HLA-DMB: variants seen among roughly 807,000 people sequenced by gnomAD.
The protein encoded by HLA-DMB is HLA class II histocompatibility antigen, DM beta chain.
Under a neutral mutation model 29.3 loss-of-function variants are expected in HLA-DMB, and 18 were observed. The observed-to-expected ratio is 0.62, with a 90% CI of 0.43 to 0.91. The LOEUF is 0.91. Among genes scored for constraint, HLA-DMB ranks in the 40% least tolerant of loss-of-function variants. The pLI is 0.00. For synonymous variants in HLA-DMB, 143 were observed against 128.7 expected (o/e 1.11, Z -0.75); for missense variants, 258 against 320.9 (o/e 0.80, Z 1.50).
At chr6:32,939,705 A>G (rs1286157017) in intron 1 of HLA-DMB, among the ~76,000 whole-genome samples, 2 of 152,230 alleles carry the variant, frequency 1.3e-5, no homozygotes, top group Non-Finnish European at 2.9e-5. Context: ...CTAAAACATC[A>G]TTATCCACCC....
chr6:32,939,987 C>T (rs1323388469), intron 1 of HLA-DMB, among the ~76,000 whole-genome samples: 1 of 144,750 alleles, frequency 6.9e-6, no homozygotes, highest in Non-Finnish European at 1.5e-5. Context: ...GTTAATGTCA[C>T]AATGGAATTG....
At position 32,934,857 on chromosome 6, in the gene HLA-DMB, G is replaced by A; in HGVS notation, c.*114C>T. On this transcript the variant is annotated 3_prime_UTR_variant, in exon 6 of 6. Coordinates refer to ENST00000418107, the MANE Select transcript of HLA-DMB (RefSeq NM_002118.5). ...TGGGAAATTCAAAGAATTGGATGGA[G>A]AAACCATAGGATCCAAGATAATGTC... 2 of 1,113,292 alleles carry A rather than the reference G, an allele frequency of 1.8e-6. No individual in the cohort carries two copies. Among genetic ancestry groups the A allele is most frequent in the East Asian group, 2.4e-5 (1 of 41,700 alleles). 69.0% of individuals were successfully genotyped at this position (1,113,292 alleles called of 1,614,324 possible). A position where few individuals can be genotyped will look rare whatever the true frequency, so the allele number is the denominator to read the frequency against.
Position 32,938,813 on chromosome 6 carries a change from T to C in HLA-DMB, c.208A>G (p.Asn70Asp). Residue 70 changes from asparagine to aspartate, a missense_variant, in exon 2 of 6, where the codon AAT becomes GAT. Asn to Asp is a conservative substitution (Grantham distance 23, BLOSUM62 1). Coordinates refer to ENST00000418107, the MANE Select transcript of HLA-DMB (RefSeq NM_002118.5). ...KMAPCEFGVL[N>D]SLANVLSQHL... ...TGTGAGAGGACATTCGCCAAGCTAT[T>C]CAGCACCCCAAATTCGCAAGGGGCC... 1 of 1,611,920 alleles carries C rather than the reference T, an allele frequency of 6.2e-7. No individual in the cohort carries two copies. Among genetic ancestry groups the C allele is most frequent in the South Asian group, 1.1e-5 (1 of 90,920 alleles).
intron 2 of HLA-DMB, 56 bp downstream of exon 2, chr6:32,938,628 G>A (rs763658896): frequency 1.4e-6 from 2 of 1,437,272 alleles, no homozygotes; most frequent in Non-Finnish European, 9.2e-7. Context: ...GATCCTCCCT[G>A]GCCTGCCCTC....
chr6:32,935,716 A>G, intron 3 of HLA-DMB, 64 bp from the exon 4 acceptor site: 10 of 1,168,574 alleles, frequency 8.6e-6, no homozygotes, highest in Non-Finnish European at 1.2e-5. Context: ...AATTCCATTT[A>G]TTGCAGCCAC....
Position 32,938,832 on chromosome 6 carries a change from A to G in HLA-DMB, c.189T>C (p.Pro63=), listed in dbSNP as rs371040681. 1 of 1,612,326 alleles carries G rather than the reference A, an allele frequency of 6.2e-7. No individual in the cohort carries two copies. The part of the protein sequence containing the change: ...CWDPEENKMA[P]CEFGVLNSLA... Reference sequence around the variant, plus strand: ...AGCTATTCAGCACCCCAAATTCGCAAGGGGCCATCTTATTCTCCTCTGGAT... The same window carrying G: ...AGCTATTCAGCACCCCAAATTCGCAGGGGGCCATCTTATTCTCCTCTGGAT... The change falls in exon 2 of 6, where the codon CCT becomes CCC. Residue 63 remains proline (P), a synonymous_variant. Transcript: ENST00000418107.
chr6:32,935,206 T>G (rs1281498536), intron 5 of HLA-DMB, 136 bp downstream of exon 5: 3 of 862,350 alleles, frequency 3.5e-6, no homozygotes, highest in Non-Finnish European at 5.8e-6. Flanking sequence ...AATGGCAGCT[T>G]AAATCATGCC....
Position 32,934,774 on chromosome 6 carries a change from T to C in HLA-DMB, c.*197A>G. 1.6e-6 allele frequency: 1 copy of C among 616,996 alleles called. No homozygotes were observed. Among genetic ancestry groups the C allele is most frequent in the East Asian group, 2.7e-5 (1 of 36,492 alleles). 38.2% of individuals were successfully genotyped at this position (616,996 alleles called of 1,614,324 possible). On this transcript the variant is annotated 3_prime_UTR_variant, in exon 6 of 6. Coordinates refer to ENST00000418107, the MANE Select transcript of HLA-DMB (RefSeq NM_002118.5). ...ATATAGCCTTGGACAATAATTTGGTTACAGCATAGTCCCAGGAATGAGGTC... is the reference window on the plus strand; with the variant it reads ...ATATAGCCTTGGACAATAATTTGGTCACAGCATAGTCCCAGGAATGAGGTC...
intron 1 of HLA-DMB, among the ~76,000 whole-genome samples, chr6:32,940,205 C>A (rs1219547891): frequency 6.6e-6 from 1 of 152,034 alleles, no homozygotes; most frequent in African/African-American, 2.4e-5. Flanking sequence ...ATCTACTGAC[C>A]AAGCTCATAC....
At chr6:32,938,330 G>A in intron 2 of HLA-DMB, 1 of 266,720 alleles carries the variant, frequency 3.7e-6, no homozygotes, top group Non-Finnish European at 7.0e-6. Context: ...GAATCCCCTG[G>A]GATTCCAAAT....
intron 2 of HLA-DMB, 21 bp downstream of exon 2, chr6:32,938,663 T>A: frequency 6.8e-7 from 1 of 1,466,196 alleles, no homozygotes; most frequent in Non-Finnish European, 9.1e-7. Context: ...TGGTAGCCCC[T>A]CTGCACCCCT....
At chr6:32,935,703 G>A (rs975161836) in intron 3 of HLA-DMB, 51 bp from the exon 4 acceptor site, 47 of 1,350,452 alleles carry the variant, frequency 3.5e-5, no homozygotes, top group Non-Finnish European at 4.6e-5. Context: ...TCACCCCCAG[G>A]GCAATTCCAT....
chr6:32,937,101 G>C lies in HLA-DMB; in HGVS notation c.622+71C>G. The C allele has an allele frequency of 7.3e-7, 1 of 1,365,336 alleles. No individual in the cohort carries two copies. The highest frequency in any genetic ancestry group is 1.0e-6 in the Non-Finnish European group (1 of 996,868). 84.6% of individuals were successfully genotyped at this position (1,365,336 alleles called of 1,614,324 possible). A position where few individuals can be genotyped will look rare whatever the true frequency, so the allele number is the denominator to read the frequency against. ...TTTTCAGCACTTCGCTGTCTACCAT[G>C]TACCATGTATCGATCCACATCTCAT... On this transcript the variant is annotated intron_variant, in intron 3 of 5. Transcript: ENST00000418107. This position sits in a 1 kb window ranked among gnomAD's most constrained non-coding sequence, Gnocchi z 4.1.
chr6:32,937,423 G>T lies in HLA-DMB; in HGVS notation c.371C>A (p.Pro124His). ...CATCACAGGCTCCCTCGTGTTAAAA[G>T]GAGTGGTTTTGGCTACTTGCACAGA... ...PPSVQVAKTT[P>H]FNTREPVMLA... The change falls in exon 3 of 6, where the codon CCT becomes CAT. Residue 124 changes from proline to histidine, a missense_variant. Pro to His is a moderately conservative substitution (Grantham distance 77). Transcript: ENST00000418107. This position sits in a 1 kb window ranked among gnomAD's most constrained non-coding sequence, Gnocchi z 4.1. The T allele has an allele frequency of 6.2e-7, 1 of 1,614,186 alleles. No homozygotes were observed. Among genetic ancestry groups the T allele is most frequent in the South Asian group, 1.1e-5 (1 of 91,080 alleles).
chr6:32,937,392 G>C lies in HLA-DMB; in HGVS notation c.402C>G (p.Ala134=), dbSNP rs768804217. ...CTGGATAGAAGCCCCACACATAGCA[G>C]GCCAGCATCACAGGCTCCCTCGTGT... ...PFNTREPVML[A]CYVWGFYPAE... The change falls in exon 3 of 6, where the codon GCC becomes GCG. Residue 134 remains alanine (A), a synonymous_variant. Transcript: ENST00000418107. This position sits in a 1 kb window ranked among gnomAD's most constrained non-coding sequence, Gnocchi z 4.1. 6.2e-7 allele frequency: 1 copy of C among 1,614,190 alleles called. No homozygotes were observed.
At chr6:32,935,989 C>A in intron 3 of HLA-DMB, 1 of 312,752 alleles carries the variant, frequency 3.2e-6, no homozygotes, top group Non-Finnish European at 5.9e-6. Flanking sequence ...TCACTGTCCT[C>A]TCCATTGCCC....
Position 32,938,719 on chromosome 6 carries a change from G to A in HLA-DMB, c.302C>T (p.Thr101Ile). The A allele has an allele frequency of 6.4e-7, 1 of 1,564,762 alleles. No individual in the cohort carries two copies. The highest frequency in any genetic ancestry group is 8.7e-7 in the Non-Finnish European group (1 of 1,153,964). ...GGTCAGTGATCCCCAGAAGGGCTGGGTGTGTGTGGCACAATTCTGAAGCCC... is the reference window on the plus strand; with the variant it reads ...GGTCAGTGATCCCCAGAAGGGCTGGATGTGTGTGGCACAATTCTGAAGCCC... ...RNGLQNCATH[T>I]QPFWGSLTNR... Residue 101 changes from threonine to isoleucine, a missense_variant, in exon 2 of 6, where the codon ACC (threonine) becomes ATC (isoleucine). Coordinates refer to ENST00000418107, the MANE Select transcript of HLA-DMB (RefSeq NM_002118.5).
At position 32,937,181 on chromosome 6, in the gene HLA-DMB, G is replaced by A. The variant is rs894995436; in HGVS notation, c.613C>T (p.Arg205Trp). Residue 205 changes from arginine to tryptophan, a missense_variant, in exon 3 of 6, where the codon CGG becomes TGG. Arg to Trp is a moderately radical substitution (Grantham distance 101). Transcript: ENST00000418107. This position sits in a 1 kb window ranked among gnomAD's most constrained non-coding sequence, Gnocchi z 4.1. ...TCTGCCATACACTTACTCCAGTCCC[G>A]AAGGATGGGCTCAGGAGCCCCAGTG... ...EHTGAPEPIL[R>W]DWTPGLSPMQ... is the part of the protein sequence containing the mutation. 21 of 1,593,430 alleles carry A rather than the reference G, an allele frequency of 1.3e-5. No homozygotes were observed. In the African/African-American group the frequency reaches 1.6e-4, roughly 12 times the overall value.
At position 32,940,866 on chromosome 6, in the gene HLA-DMB, G is replaced by T; in HGVS notation, c.-59C>A. 2 of 1,391,850 alleles carry T rather than the reference G, an allele frequency of 1.4e-6. No individual in the cohort carries two copies. Among genetic ancestry groups the T allele is most frequent in the Non-Finnish European group, 1.0e-6 (1 of 1,003,810 alleles). 86.2% of individuals were successfully genotyped at this position (1,391,850 alleles called of 1,614,324 possible). ...CCCTGGACCAGCTCTTCCAGGGTCCGTGGGTCCTCGCCTGTCCCAGAAGCC... is the reference window on the plus strand; with the variant it reads ...CCCTGGACCAGCTCTTCCAGGGTCCTTGGGTCCTCGCCTGTCCCAGAAGCC... On this transcript the variant is annotated 5_prime_UTR_variant, in exon 1 of 6. Transcript: ENST00000418107.
Sources: allele counts gnomAD v4.1 joint callset (sites outside exome capture counted in the v4.1 genomes callset), GRCh38; gene constraint gnomAD v4.1.1; non-coding constraint Gnocchi (gnomAD v3.1); transcripts MANE v1.5; gene names NCBI Gene and HGNC (gene_info 2026-07-23, HGNC 2026-07-21).